MTOR: variants seen among roughly 807,000 people sequenced by gnomAD.
The protein encoded by MTOR is serine/threonine-protein kinase mTOR.
A neutral mutation model predicts 319.8 loss-of-function variants in MTOR; 70 were observed. The observed-to-expected ratio is 0.22, with a 90% CI of 0.18 to 0.27. The LOEUF (loss-of-function observed/expected upper bound fraction) is 0.27. Among genes scored for constraint, MTOR ranks in the 10% least tolerant of loss-of-function variants. The probability of loss-of-function intolerance (pLI) is 1.00; values close to 1 mark genes in which losing one functional copy is unlikely to be tolerated. For missense variants in MTOR, 1,890 were observed against 3,274.4 expected (o/e 0.58, Z 10.32); for synonymous variants, 1,183 against 1,211.4 (o/e 0.98, Z 0.49).
intron 29 of MTOR, among the ~76,000 whole-genome samples, chr1:11,157,940 C>T (rs1158218353): frequency 2.6e-5 from 4 of 152,158 alleles, no homozygotes; most frequent in Admixed American, 1.3e-4. Context: ...ATCCAATGTT[C>T]CCTCCTGCTC....
chr1:11,180,359 T>G lies in MTOR; in HGVS notation c.4254-12842A>C, dbSNP rs140149924. Among the ~76,000 whole-genome samples, 9 of 152,302 alleles carry G rather than the reference T, an allele frequency of 5.9e-5. No homozygotes were observed. In the East Asian group the frequency reaches 1.7e-3, roughly 29 times the overall value. ...AATCATACTTTCAAGCAGCACAATATTGGCACCCTGGAAACATGTGTTTAG... is the reference window on the plus strand; with the variant it reads ...AATCATACTTTCAAGCAGCACAATAGTGGCACCCTGGAAACATGTGTTTAG... On this transcript the variant is annotated intron_variant, in intron 28 of 57. Transcript: ENST00000361445.
chr1:11,193,803 T>A (rs760338268), intron 28 of MTOR: 1 of 1,612,010 alleles, frequency 6.2e-7, no homozygotes, highest in South Asian at 1.1e-5. Flanking sequence ...GCCCCATGAC[T>A]GGACCAGTGC....
chr1:11,130,627 T>C lies in MTOR; in HGVS notation c.5515A>G (p.Thr1839Ala), dbSNP rs1314609319. ...CTGCCCTCGGTGCTGGCAGTGGTGG[T>C]GGCAGTGGCGGCCGTGGTGGCGGCA... is the stretch of plus-strand genomic sequence containing the variant. ...TTAATTAATA[T>A]TTASTEGSNS... is the part of the protein sequence containing the mutation. The change falls in exon 39 of 58, where the codon ACC becomes GCC. Residue 1839 changes from threonine (T) to alanine (A), a missense_variant. Thr to Ala is a moderately conservative substitution (Grantham distance 58, BLOSUM62 0). Coordinates refer to ENST00000361445, the MANE Select transcript of MTOR (RefSeq NM_004958.4). 7.1e-5 allele frequency: 115 copies of C among 1,613,838 alleles called. No homozygotes were observed. The highest frequency in any genetic ancestry group is 9.6e-5 in the Non-Finnish European group (113 of 1,179,984).
chr1:11,121,194 T>G lies in MTOR; in HGVS notation c.6933+52A>C. On this transcript the variant is annotated intron_variant, in intron 49 of 57. Coordinates refer to ENST00000361445, the MANE Select transcript of MTOR (RefSeq NM_004958.4). The surrounding 1 kb of genome is among the most constrained non-coding windows in gnomAD (Gnocchi z 4.9). ...ATGAACAGATGGGAGGGCCATCCTA[T>G]TGCGAGTGGGGGTTCCAGGAGAGCG... The G allele has an allele frequency of 6.2e-7, 1 of 1,605,910 alleles. No individual in the cohort carries two copies. Among genetic ancestry groups the G allele is most frequent in the Non-Finnish European group, 8.5e-7 (1 of 1,178,664 alleles).
At position 11,161,875 on chromosome 1, in the gene MTOR, G is replaced by A. The variant is rs554437766; in HGVS notation, c.4330-4584C>T. Reference sequence around the variant, plus strand: ...AGCTGAACATTCTTAAAATAAGAGCGCCTCTTCCCCTCCAAAGGAACGCAG... The same window carrying A: ...AGCTGAACATTCTTAAAATAAGAGCACCTCTTCCCCTCCAAAGGAACGCAG... On this transcript the variant is annotated intron_variant, in intron 29 of 57. Coordinates refer to ENST00000361445, the MANE Select transcript of MTOR (RefSeq NM_004958.4). Among the ~76,000 whole-genome samples, 6 of 152,258 alleles carry A rather than the reference G, an allele frequency of 3.9e-5. No individual in the cohort carries two copies. The East Asian group carries it at 5.8e-4, about 15-fold the overall frequency.
intron 54 of MTOR, among the ~76,000 whole-genome samples, chr1:11,112,084 C>T (rs978183258): frequency 6.6e-6 from 1 of 152,150 alleles, no homozygotes; most frequent in South Asian, 2.1e-4. Flanking sequence ...TGAGAGGTTT[C>T]CACACACAAA....
rs2100986588 is a variant in MTOR at position 11,259,381 on chromosome 1, G to A, written c.29C>T (p.Thr10Ile). MLGTGPAAA[T>I]TAATTSSNVS... ...ATTGCTAGATGTGGTGGCAGCGGTG[G>A]TGGCGGCGGCAGGTCCGGTTCCAAG... The change falls in exon 2 of 58, where the codon ACC becomes ATC. Residue 10 changes from threonine (T) to isoleucine (I), a missense_variant. Coordinates refer to ENST00000361445, the MANE Select transcript of MTOR (RefSeq NM_004958.4). 6.3e-7 allele frequency: 1 copy of A among 1,593,432 alleles called. No individual in the cohort carries two copies. The highest frequency in any genetic ancestry group is 1.7e-4 in the Middle Eastern group (1 of 5,964).
At chr1:11,173,899 T>C (rs1440840201) in intron 28 of MTOR, among the ~76,000 whole-genome samples, 1 of 152,110 alleles carries the variant, frequency 6.6e-6, no homozygotes, top group Non-Finnish European at 1.5e-5. Context: ...TGGCACTCCA[T>C]CACGGGAGGC....
chr1:11,217,617 T>C (rs1195219405), intron 19 of MTOR, among the ~76,000 whole-genome samples: 1 of 151,252 alleles, frequency 6.6e-6, no homozygotes, highest in African/African-American at 2.4e-5. Flanking sequence ...TTCACCGTGT[T>C]AGCCAGGATG....
At chr1:11,258,350 G>C (rs1229611578) in intron 3 of MTOR, 135 bp downstream of exon 3, 1 of 657,404 alleles carries the variant, frequency 1.5e-6, no homozygotes, top group Non-Finnish European at 2.7e-6. Context: ...CAGGGCTGCT[G>C]CTAGAATTAA....
At chr1:11,138,561 A>G (rs952361567) in intron 36 of MTOR, among the ~76,000 whole-genome samples, 2 of 152,216 alleles carry the variant, frequency 1.3e-5, no homozygotes, top group African/African-American at 4.8e-5. Flanking sequence ...TTCCCACAGC[A>G]GAGGCTCCAG....
intron 28 of MTOR, among the ~76,000 whole-genome samples, chr1:11,196,599 A>C (rs1207114150): frequency 6.6e-6 from 1 of 152,214 alleles, no homozygotes; most frequent in African/African-American, 2.4e-5. Context: ...TCACGCCTGT[A>C]ATCCCAGCAC....
intron 36 of MTOR, 65 bp from the exon 37 acceptor site, chr1:11,134,531 A>G: frequency 7.2e-7 from 1 of 1,381,678 alleles, no homozygotes; most frequent in Non-Finnish European, 1.0e-6. Context: ...GAAGGGAGCT[A>G]CCGTTCATCT....
intron 5 of MTOR, among the ~76,000 whole-genome samples, chr1:11,255,758 A>G (rs915251128): frequency 6.6e-6 from 1 of 151,898 alleles, no homozygotes; most frequent in Admixed American, 6.6e-5. Flanking sequence ...GGTGGGAGAA[A>G]ATCGCTTGAA....
At chr1:11,218,169 C>T (rs563953166) in intron 19 of MTOR, among the ~76,000 whole-genome samples, 2 of 152,232 alleles carry the variant, frequency 1.3e-5, no homozygotes, top group Admixed American at 6.5e-5. Context: ...CGGTGGTTCA[C>T]GCCTGTAATC....
chr1:11,126,947 T>C (rs1206327346), intron 45 of MTOR, 63 bp downstream of exon 45: 5 of 1,600,690 alleles, frequency 3.1e-6, no homozygotes, highest in South Asian at 1.1e-5. Flanking sequence ...AGAACATTCA[T>C]AGACAGTAAA....
chr1:11,146,397 C>T (rs969771390), intron 32 of MTOR, among the ~76,000 whole-genome samples: 3 of 152,178 alleles, frequency 2.0e-5, no homozygotes, highest in Non-Finnish European at 2.9e-5. Flanking sequence ...CAGCTTCTCT[C>T]TACAACAAGG....
At chr1:11,245,097 T>C in intron 8 of MTOR, among the ~76,000 whole-genome samples, 1 of 152,350 alleles carries the variant, frequency 6.6e-6, no homozygotes, top group South Asian at 2.1e-4. Flanking sequence ...TTATGACAGT[T>C]ATATTTAATA....
rs79282528 is a variant in MTOR at position 11,109,216 on chromosome 1, G to C, written c.7528+74C>G. ...TCGTCACTAACACCACTGGACATGG[G>C]GCTGACCACCACTCAGAGAGGAAAG... On this transcript the variant is annotated intron_variant, in intron 56 of 57. Transcript: ENST00000361445. The surrounding 1 kb of genome is among the most constrained non-coding windows in gnomAD (Gnocchi z 4.0). 1,607 of 1,392,600 alleles carry C rather than the reference G, an allele frequency of 1.2e-3. 11 individuals carry two copies. The African/African-American group carries it at 0.019, about 17-fold the overall frequency. The allele number at this position is 1,392,600 out of a possible 1,614,324, so 86.3% of individuals were successfully genotyped here.
Sources: allele counts gnomAD v4.1 joint callset (sites outside exome capture counted in the v4.1 genomes callset), GRCh38; gene constraint gnomAD v4.1.1; non-coding constraint Gnocchi (gnomAD v3.1); transcripts MANE v1.5; gene names NCBI Gene and HGNC (gene_info 2026-07-23, HGNC 2026-07-21).